The following MBD5 variants were observed in gnomAD, a reference collection of about 807,000 sequenced individuals.
MBD5 encodes methyl-CpG binding domain protein 5.
MBD5 carries 13 observed loss-of-function variants against 117.3 expected under a neutral mutation model. The observed-to-expected ratio is 0.11, with a 90% CI of 0.07 to 0.18. The LOEUF is 0.18. Ranked by LOEUF, MBD5 falls within the 10% of genes least tolerant of loss-of-function variation. The pLI, the probability that MBD5 is intolerant of heterozygous loss-of-function variation, is 1.00. For synonymous variants in MBD5, 727 were observed against 766.4 expected, an observed-to-expected ratio of 0.95 and a Z score of 0.85; for missense variants, 1,879 against 2,093.8, an observed-to-expected ratio of 0.90 and a Z score of 2.00.
intron 4 of MBD5, among the ~76,000 whole-genome samples, chr2:148,386,023 A>C (rs906875477): frequency 8.0e-5 from 12 of 150,510 alleles, no homozygotes; most frequent in African/African-American, 2.7e-4. Context: ...TGAGGAGTTA[A>C]TGGGTGCAGC....
At chr2:148,060,875 T>C (rs1172431125) in intron 1 of MBD5, among the ~76,000 whole-genome samples, 1 of 152,168 alleles carries the variant, frequency 6.6e-6, no homozygotes, top group Non-Finnish European at 1.5e-5. Context: ...TATCTGTTCA[T>C]TGGCTAACCA....
At chr2:148,442,002 A>T (rs2105405566) in intron 4 of MBD5, among the ~76,000 whole-genome samples, 1 of 152,186 alleles carries the variant, frequency 6.6e-6, no homozygotes. Context: ...GATTGTGGAT[A>T]TTAGCCCTTT....
intron 3 of MBD5, among the ~76,000 whole-genome samples, chr2:148,277,977 C>T (rs1467111874): frequency 6.6e-6 from 1 of 152,148 alleles, no homozygotes; most frequent in African/African-American, 2.4e-5. Flanking sequence ...ATTCATTGAA[C>T]CACCACCATA....
chr2:148,189,407 C>G (rs1698772266), intron 2 of MBD5, among the ~76,000 whole-genome samples: 3 of 150,472 alleles, frequency 2.0e-5, no homozygotes, highest in Admixed American at 1.3e-4. Flanking sequence ...AGCTGGAGAT[C>G]TGAGAACGGG....
intron 1 of MBD5, among the ~76,000 whole-genome samples, chr2:148,125,480 CTTAG>C (rs1318424782): frequency 6.6e-6 from 1 of 152,036 alleles, no homozygotes; most frequent in Non-Finnish European, 1.5e-5. Flanking sequence ...CTCATATTAC[CTTAG>C]TTGACTTTCT....
intron 3 of MBD5, among the ~76,000 whole-genome samples, chr2:148,326,598 C>A (rs1177654477): frequency 6.6e-6 from 1 of 152,134 alleles, no homozygotes; most frequent in East Asian, 1.9e-4. Flanking sequence ...TAATGGCCTT[C>A]TTTGTCTCTT....
chr2:148,339,378 C>T (rs1702881817), intron 3 of MBD5, among the ~76,000 whole-genome samples: 1 of 152,116 alleles, frequency 6.6e-6, no homozygotes, highest in Non-Finnish European at 1.5e-5. Context: ...GAGTGGCCTC[C>T]CTTTGCCCTC....
intron 1 of MBD5, among the ~76,000 whole-genome samples, chr2:148,056,681 C>G (rs926457972): frequency 3.9e-5 from 6 of 151,940 alleles, no homozygotes; most frequent in African/African-American, 1.2e-4. Flanking sequence ...GATTAGTTTA[C>G]AGATGTTTAG....
At chr2:148,102,552 A>ATTAGGGAGATATGTTC (rs1553472484) in intron 1 of MBD5, among the ~76,000 whole-genome samples, 63 of 152,202 alleles carry the variant, frequency 4.1e-4, no homozygotes, top group African/African-American at 1.5e-3. Flanking sequence ...CTAATTCCAA[A>ATTAGGGAGATATGTTC]TACTGTGTTC....
At chr2:148,141,999 T>A (rs1158804854) in intron 1 of MBD5, among the ~76,000 whole-genome samples, 1 of 151,510 alleles carries the variant, frequency 6.6e-6, no homozygotes. Context: ...ATAAATAAAA[T>A]ACTTTGGAAA....
At chr2:148,273,438 G>C (rs1333500102) in intron 3 of MBD5, among the ~76,000 whole-genome samples, 1 of 152,088 alleles carries the variant, frequency 6.6e-6, no homozygotes, top group Admixed American at 6.6e-5. Context: ...ACATCATTAT[G>C]CTAAAACTTA....
At chr2:148,073,648 C>T (rs1369687286) in intron 1 of MBD5, among the ~76,000 whole-genome samples, 5 of 152,180 alleles carry the variant, frequency 3.3e-5, no homozygotes, top group Non-Finnish European at 5.9e-5. Flanking sequence ...GTGCTAGACA[C>T]TATTCTAGGA....
chr2:148,030,866 T>C (rs1234398), intron 1 of MBD5, among the ~76,000 whole-genome samples: 20,629 of 152,202 alleles, frequency 0.14, 1,691 homozygotes, highest in Middle Eastern at 0.2. Context: ...TCATCATAGC[T>C]TGATAGAGAA....
chr2:148,137,803 A>C (rs1284825221), intron 1 of MBD5, among the ~76,000 whole-genome samples: 1 of 152,206 alleles, frequency 6.6e-6, no homozygotes, highest in Non-Finnish European at 1.5e-5. Context: ...TAGATATGCA[A>C]ACACTTACCA....
intron 4 of MBD5, among the ~76,000 whole-genome samples, chr2:148,435,263 T>C (rs1706120888): frequency 6.6e-6 from 1 of 152,170 alleles, no homozygotes. Context: ...CCACTTACAT[T>C]CATAGTTAGG....
At position 148,514,922 on chromosome 2, in the gene MBD5, G is replaced by T. The variant is rs948618709; in HGVS notation, c.*1981G>T. 1 of 152,148 alleles carries T rather than the reference G, an allele frequency of 6.6e-6. No individual in the cohort carries two copies. The highest frequency in any genetic ancestry group is 2.1e-4 in the South Asian group (1 of 4,828). 9.4% of individuals were successfully genotyped at this position (152,148 alleles called of 1,614,324 possible). ...CATGACCTCAAAGTAGGAACCCTTC[G>T]TTCTGGGGGTAGGTTCATTTTGTCT... On this transcript the variant is annotated 3_prime_UTR_variant, in exon 14 of 14. Coordinates refer to ENST00000642680, the MANE Select transcript of MBD5 (RefSeq NM_001378120.1).
intron 3 of MBD5, among the ~76,000 whole-genome samples, chr2:148,259,986 G>C (rs1396621171): frequency 1.3e-5 from 2 of 152,154 alleles, no homozygotes; most frequent in East Asian, 3.9e-4. Flanking sequence ...TCTTATTAGC[G>C]AGGGGTTTAG....
chr2:148,278,480 T>C (rs1443860514), intron 3 of MBD5, among the ~76,000 whole-genome samples: 10 of 152,216 alleles, frequency 6.6e-5, no homozygotes, highest in Admixed American at 6.5e-4. Flanking sequence ...AGTCTCTCAC[T>C]GTGTCTGTGG....
intron 1 of MBD5, among the ~76,000 whole-genome samples, chr2:148,105,648 G>A (rs895892038): frequency 1.3e-5 from 2 of 151,832 alleles, no homozygotes; most frequent in Non-Finnish European, 2.9e-5. Flanking sequence ...CCCGCTTTTA[G>A]CTTTCTTGTC....
Sources: gnomAD v4.1 joint callset for allele counts (sites outside exome capture counted in the v4.1 genomes callset) on GRCh38, gnomAD v4.1.1 for gene constraint, MANE v1.5 for transcripts, NCBI Gene and HGNC (gene_info 2026-07-23, HGNC 2026-07-21) for gene names.